Variants in CLSTN2 observed in about 807,000 individuals in gnomAD.
CLSTN2 encodes the protein calsyntenin 2, also known as calsyntenin-2.
A neutral mutation model predicts 101.2 loss-of-function variants in CLSTN2; 48 were observed. That is an observed-to-expected ratio of 0.47 (90% confidence interval 0.38 to 0.60). CLSTN2 has a LOEUF of 0.60. Among genes scored for constraint, CLSTN2 ranks in the 20% least tolerant of loss-of-function variants. CLSTN2 has a pLI of 0.00. For synonymous variants in CLSTN2, 481 were observed against 463.6 expected, an observed-to-expected ratio of 1.04 and a Z score of -0.48; for missense variants, 1,160 against 1,238.2, an observed-to-expected ratio of 0.94 and a Z score of 0.95.
intron 2 of CLSTN2, among the ~76,000 whole-genome samples, chr3:140,376,746 A>G (rs962147705): frequency 6.6e-6 from 1 of 152,212 alleles, no homozygotes; most frequent in South Asian, 2.1e-4. Context: ...CATTTAATTG[A>G]AATAAACTAC....
At chr3:140,107,017 T>G (rs142096340) in intron 1 of CLSTN2, among the ~76,000 whole-genome samples, 2 of 152,324 alleles carry the variant, frequency 1.3e-5, no homozygotes, top group Admixed American at 1.3e-4. Flanking sequence ...ATTTCACTAC[T>G]GTCTGGCATT....
rs1260995388 is a variant in CLSTN2, at chr3:139,935,850, G to C, written c.109+367G>C. On this transcript the variant is annotated intron_variant, in intron 1 of 16. Transcript: ENST00000458420. This position sits in a 1 kb window ranked among gnomAD's most constrained non-coding sequence, Gnocchi z 5.5. Reference sequence around the variant, plus strand: ...GCGCCGTGGGGACAAGCAGGTGTCTGCTCCTGCCTGGGGGAAGGATCAGCG... The same window carrying C: ...GCGCCGTGGGGACAAGCAGGTGTCTCCTCCTGCCTGGGGGAAGGATCAGCG... Among the ~76,000 whole-genome samples the C allele has an allele frequency of 1.2e-4, 19 of 152,306 alleles. No homozygotes were observed. The highest frequency in any genetic ancestry group is 2.9e-5 in the Non-Finnish European group (2 of 68,020).
intron 2 of CLSTN2, among the ~76,000 whole-genome samples, chr3:140,224,219 G>A (rs1329577410): frequency 6.6e-6 from 1 of 152,108 alleles, no homozygotes; most frequent in Non-Finnish European, 1.5e-5. Flanking sequence ...TCCTATTTGT[G>A]TGACCAATGG....
chr3:140,312,673 G>T (rs1352156353), intron 2 of CLSTN2, among the ~76,000 whole-genome samples: 1 of 152,228 alleles, frequency 6.6e-6, no homozygotes, highest in Non-Finnish European at 1.5e-5. Context: ...AAGCCAGTGT[G>T]TTGCAATCAG....
At chr3:140,164,375 C>T (rs934979074) in intron 1 of CLSTN2, among the ~76,000 whole-genome samples, 3 of 152,070 alleles carry the variant, frequency 2.0e-5, no homozygotes, top group African/African-American at 4.8e-5. Flanking sequence ...TACTGAGGTG[C>T]AGAACTGAAA....
chr3:139,989,376 C>T (rs1011006731), intron 1 of CLSTN2, among the ~76,000 whole-genome samples: 1 of 152,188 alleles, frequency 6.6e-6, no homozygotes, highest in African/African-American at 2.4e-5. Flanking sequence ...GTTTCCCCAC[C>T]CTGCATTTCT....
chr3:140,291,138 C>T (rs2086947529), intron 2 of CLSTN2, among the ~76,000 whole-genome samples: 2 of 152,016 alleles, frequency 1.3e-5, no homozygotes, highest in African/African-American at 2.4e-5. Context: ...ATAGTTGTCC[C>T]ATGTGGTTAT....
chr3:140,353,726 A>G (rs749375054), intron 2 of CLSTN2, among the ~76,000 whole-genome samples: 12 of 152,198 alleles, frequency 7.9e-5, no homozygotes, highest in Non-Finnish European at 1.8e-4. Flanking sequence ...GCTTACTGAG[A>G]TGGCCAAAAT....
At chr3:140,368,771 G>A (rs2087820632) in intron 2 of CLSTN2, among the ~76,000 whole-genome samples, 1 of 152,224 alleles carries the variant, frequency 6.6e-6, no homozygotes, top group Non-Finnish European at 1.5e-5. Context: ...GGACGTTCAG[G>A]CTGGAGAAGT....
intron 4 of CLSTN2, among the ~76,000 whole-genome samples, chr3:140,412,412 A>G (rs2088375691): frequency 6.6e-6 from 1 of 152,236 alleles, no homozygotes; most frequent in Non-Finnish European, 1.5e-5. Flanking sequence ...ATATCTGAAC[A>G]GTCCATGCAG....
chr3:140,371,367 C>A (rs1187292363), intron 2 of CLSTN2, among the ~76,000 whole-genome samples: 1 of 141,682 alleles, frequency 7.1e-6, no homozygotes, highest in African/African-American at 2.5e-5. Flanking sequence ...GGAACACAGG[C>A]ATTTGGGGGT....
chr3:140,074,069 T>C (rs2008442627), intron 1 of CLSTN2, among the ~76,000 whole-genome samples: 1 of 152,244 alleles, frequency 6.6e-6, no homozygotes, highest in Admixed American at 6.5e-5. Context: ...TTATGGCTAC[T>C]GTGCACACCA....
intron 2 of CLSTN2, among the ~76,000 whole-genome samples, chr3:140,278,808 C>T (rs1198968283): frequency 6.6e-6 from 1 of 152,174 alleles, no homozygotes; most frequent in East Asian, 1.9e-4. Flanking sequence ...CAGCCTCTAC[C>T]TCCTGGGCTG....
At position 140,426,725 on chromosome 3, in the gene CLSTN2, T is replaced by C. The variant is rs182610170; in HGVS notation, c.787+5451T>C. Among the ~76,000 whole-genome samples, 12 of 152,278 alleles carry C rather than the reference T, an allele frequency of 7.9e-5. No homozygotes were observed. The East Asian group carries it at 1.7e-3, about 22-fold the overall frequency. ...AAGGACCTATGGTTACCTGATGTTA[T>C]ATGGGGCCCAGCAAGAAAGAATGAG... On this transcript the variant is annotated intron_variant, in intron 5 of 16. Transcript: ENST00000458420.
chr3:140,365,610 G>A (rs1434996894), intron 2 of CLSTN2, among the ~76,000 whole-genome samples: 3 of 152,076 alleles, frequency 2.0e-5, no homozygotes, highest in East Asian at 1.9e-4. Flanking sequence ...GCCCAGAGAG[G>A]TGAGGGGACT....
chr3:140,090,640 A>G (rs1232268248), intron 1 of CLSTN2, among the ~76,000 whole-genome samples: 2 of 152,142 alleles, frequency 1.3e-5, no homozygotes, highest in African/African-American at 4.8e-5. Context: ...CAACACTAAC[A>G]CAGAAAATAG....
At chr3:140,077,286 T>A (rs988482213) in intron 1 of CLSTN2, among the ~76,000 whole-genome samples, 1 of 152,228 alleles carries the variant, frequency 6.6e-6, no homozygotes, top group African/African-American at 2.4e-5. Context: ...CGCCAGTGGC[T>A]ACCTCTTCCT....
chr3:140,417,213 T>C (rs2088442016), intron 4 of CLSTN2, among the ~76,000 whole-genome samples: 2 of 152,206 alleles, frequency 1.3e-5, no homozygotes, highest in African/African-American at 4.8e-5. Context: ...ATTTTCCCCA[T>C]CTTTAAACGT....
At chr3:140,222,934 T>C (rs1255388988) in intron 2 of CLSTN2, among the ~76,000 whole-genome samples, 1 of 151,966 alleles carries the variant, frequency 6.6e-6, no homozygotes, top group Non-Finnish European at 1.5e-5. Flanking sequence ...TATCTTTCTA[T>C]CTTTTCATCT....
Sources: allele counts gnomAD v4.1 joint callset (sites outside exome capture counted in the v4.1 genomes callset), GRCh38; gene constraint gnomAD v4.1.1; non-coding constraint Gnocchi (gnomAD v3.1); transcripts MANE v1.5; gene names NCBI Gene and HGNC (gene_info 2026-07-23, HGNC 2026-07-21).